Variants in RAB27A observed in about 807,000 individuals in gnomAD.
RAB27A encodes ras-related protein Rab-27A.
In RAB27A, 17 loss-of-function variants were observed where a neutral mutation model predicts 20.8. That is an observed-to-expected ratio of 0.82 (90% CI 0.56 to 1.23). The LOEUF (loss-of-function observed/expected upper bound fraction) is 1.23. Ranked by LOEUF, RAB27A falls within the 50% of genes most tolerant of loss-of-function variation. The probability of loss-of-function intolerance (pLI) is 0.00; values close to 1 mark genes in which losing one functional copy is unlikely to be tolerated. For synonymous variants in RAB27A, 85 were observed against 92.8 expected (o/e 0.92, Z 0.48); for missense variants, 277 against 266.7 (o/e 1.04, Z -0.27).
intron 2 of RAB27A, among the ~76,000 whole-genome samples, chr15:55,246,723 C>A (rs1002194627): frequency 6.6e-6 from 1 of 151,938 alleles, no homozygotes; most frequent in Non-Finnish European, 1.5e-5. Context: ...AATGTGACGG[C>A]AGTCTCAGAA....
At chr15:55,218,420 A>T (rs1413918131) in intron 6 of RAB27A, among the ~76,000 whole-genome samples, 2 of 152,242 alleles carry the variant, frequency 1.3e-5, no homozygotes, top group East Asian at 3.8e-4. Flanking sequence ...TCTCAAATCA[A>T]GAAAAGATGT....
intron 2 of RAB27A, among the ~76,000 whole-genome samples, chr15:55,250,571 C>T (rs1896851535): frequency 6.6e-6 from 1 of 152,220 alleles, no homozygotes; most frequent in Admixed American, 6.5e-5. Context: ...CATGTTTCAG[C>T]AGATGTTTGC....
At chr15:55,291,510 CAAAAAAAAAAAAAAAAAAAA>C (rs530643102), upstream of RAB27A, among the ~76,000 whole-genome samples, 15 of 69,028 alleles carry the variant, frequency 2.2e-4, no homozygotes, top group Non-Finnish European at 3.2e-4. Context: ...GACTCTGTTT[CAAAAAAAAAAAAAAAAAAAA>C]AAAAAAAAAA....
intron 6 of RAB27A, among the ~76,000 whole-genome samples, chr15:55,210,590 A>G (rs1002396433): frequency 6.6e-6 from 1 of 151,988 alleles, no homozygotes; most frequent in Admixed American, 6.6e-5. Context: ...GTCTATTCAG[A>G]TCTTTTGCCT....
chr15:55,247,935 C>A (rs1896749818), intron 2 of RAB27A, among the ~76,000 whole-genome samples: 1 of 146,312 alleles, frequency 6.8e-6, no homozygotes, highest in Non-Finnish European at 1.5e-5. Context: ...CCTCACTAAC[C>A]ACTTTTTTTT....
upstream of RAB27A, among the ~76,000 whole-genome samples, chr15:55,291,278 A>G (rs1299722403): frequency 6.6e-6 from 1 of 152,182 alleles, no homozygotes; most frequent in Non-Finnish European, 1.5e-5. Flanking sequence ...TGGGAGCCCG[A>G]GGCCGGCAGA....
chr15:55,214,316 G>C (rs559173514), intron 6 of RAB27A, among the ~76,000 whole-genome samples: 2 of 152,136 alleles, frequency 1.3e-5, no homozygotes, highest in Admixed American at 1.3e-4. Context: ...GACGCCTGTA[G>C]TCCCAGCTAC....
chr15:55,272,461 T>C (rs1897738953), intron 1 of RAB27A, among the ~76,000 whole-genome samples: 1 of 152,206 alleles, frequency 6.6e-6, no homozygotes, highest in Non-Finnish European at 1.5e-5. Flanking sequence ...TTTCTCCTAG[T>C]AAGCACCCAG....
At chr15:55,290,781 C>A (rs1898287907), upstream of RAB27A, among the ~76,000 whole-genome samples, 3 of 152,236 alleles carry the variant, frequency 2.0e-5, no homozygotes, top group South Asian at 6.2e-4. Flanking sequence ...AGCCCTTGGG[C>A]CTGTCCCTAT....
chr15:55,280,049 G>C (rs1158012219), intron 1 of RAB27A, among the ~76,000 whole-genome samples: 1 of 152,162 alleles, frequency 6.6e-6, no homozygotes, highest in African/African-American at 2.4e-5. Context: ...AGGTGGTGCT[G>C]ATGTTACTGG....
At position 55,269,290 on chromosome 15, in the gene RAB27A, C is replaced by T. The variant is rs189283738; in HGVS notation, c.-23+875G>A. Reference sequence around the variant, plus strand: ...CACTCACCACTCAGATCTTTCACTCCGGCATACTTCATTTCGTATTTCTAA... The same window carrying T: ...CACTCACCACTCAGATCTTTCACTCTGGCATACTTCATTTCGTATTTCTAA... On this transcript the variant is annotated intron_variant, in intron 2 of 6. Transcript: ENST00000336787. 5.0e-4 allele frequency among the ~76,000 whole-genome samples: 76 copies of T among 152,272 alleles called. 3 individuals are homozygous for T. Among genetic ancestry groups the T allele is most frequent in the Admixed American group, 4.7e-3 (72 of 15,292 alleles).
intron 2 of RAB27A, among the ~76,000 whole-genome samples, chr15:55,247,010 A>T (rs545839672): frequency 6.6e-6 from 1 of 152,328 alleles, no homozygotes; most frequent in East Asian, 1.9e-4. Flanking sequence ...AATCATAGCT[A>T]TTCTTATGAT....
chr15:55,250,281 T>C (rs1433144244), intron 2 of RAB27A, among the ~76,000 whole-genome samples: 1 of 152,090 alleles, frequency 6.6e-6, no homozygotes, highest in Non-Finnish European at 1.5e-5. Context: ...ATTATGTTTT[T>C]TAAAAACTGG....
Position 55,259,199 on chromosome 15 carries a change from T to C in RAB27A, c.-23+10966A>G, listed in dbSNP as rs76276618. ...ATGTATGTTGCAAATATATTCTTACTGTTTTTGGTTTGTCTTTTCACTTTT... is the reference window on the plus strand; with the variant it reads ...ATGTATGTTGCAAATATATTCTTACCGTTTTTGGTTTGTCTTTTCACTTTT... On this transcript the variant is annotated intron_variant, in intron 2 of 6. Coordinates refer to ENST00000336787, the MANE Select transcript of RAB27A (RefSeq NM_183235.3). 6.3e-3 allele frequency among the ~76,000 whole-genome samples: 965 copies of C among 152,304 alleles called. 5 individuals are homozygous for C. The highest frequency in any genetic ancestry group is 0.01 in the Non-Finnish European group (697 of 68,024).
chr15:55,312,536 T>A (rs912978025), intron 2 of RAB27A, among the ~76,000 whole-genome samples: 15 of 152,198 alleles, frequency 9.9e-5, no homozygotes, highest in Admixed American at 9.8e-4. Context: ...CTTCCAATTG[T>A]TTCACATCCT....
At chr15:55,226,697 C>T (rs1260282235) in intron 5 of RAB27A, among the ~76,000 whole-genome samples, 1 of 151,672 alleles carries the variant, frequency 6.6e-6, no homozygotes, top group African/African-American at 2.4e-5. Context: ...GGTGAAACCC[C>T]ATCTCTACAA....
chr15:55,261,970 G>A (rs553462360), intron 2 of RAB27A, among the ~76,000 whole-genome samples: 12 of 151,186 alleles, frequency 7.9e-5, no homozygotes, highest in Non-Finnish European at 1.6e-4. Context: ...TCAGGAGACA[G>A]AGGTTGCAGT....
At chr15:55,271,288 T>C (rs1410136741) in intron 1 of RAB27A, among the ~76,000 whole-genome samples, 2 of 152,216 alleles carry the variant, frequency 1.3e-5, no homozygotes, top group Non-Finnish European at 2.9e-5. Flanking sequence ...TCAGTACGTT[T>C]TATAATTCGC....
At chr15:55,217,512 A>T (rs946706488) in intron 6 of RAB27A, among the ~76,000 whole-genome samples, 4 of 151,624 alleles carry the variant, frequency 2.6e-5, no homozygotes, top group African/African-American at 9.7e-5. Context: ...AAAATATATA[A>T]AAATTAGCTG....
Sources: gnomAD v4.1 joint callset for allele counts (sites outside exome capture counted in the v4.1 genomes callset) on GRCh38, gnomAD v4.1.1 for gene constraint, MANE v1.5 for transcripts, NCBI Gene and HGNC (gene_info 2026-07-23, HGNC 2026-07-21) for gene names.